The following ZNF362 variants were observed in gnomAD, a reference collection of about 807,000 sequenced individuals.
The protein encoded by ZNF362 is zinc finger protein 362, also known as rotund homolog.
A neutral mutation model predicts 42.9 loss-of-function variants in ZNF362; 11 were observed. That is an observed-to-expected ratio of 0.26 (90% CI 0.16 to 0.42). The LOEUF (loss-of-function observed/expected upper bound fraction) is 0.42, where lower values mean the gene tolerates loss of function less well. Ranked by LOEUF, ZNF362 falls within the 20% of genes least tolerant of loss-of-function variation. The pLI is 1.00. For missense variants in ZNF362, 362 were observed against 576.2 expected (o/e 0.63, Z 3.81); for synonymous variants, 255 against 257.3 (o/e 0.99, Z 0.09).
chr1:33,221,702 T>A, the ZNF362 span, among the ~76,000 whole-genome samples: 1 of 152,176 alleles, frequency 6.6e-6, no homozygotes, highest in Non-Finnish European at 1.5e-5. Flanking sequence ...CCAAAGACAA[T>A]TCATTTTTCA....
chr1:33,241,788 C>T, the ZNF362 span, among the ~76,000 whole-genome samples: 1 of 152,138 alleles, frequency 6.6e-6, no homozygotes, highest in Non-Finnish European at 1.5e-5. Flanking sequence ...GTTGCCAAGG[C>T]TGGTCTCGAA....
the ZNF362 span, among the ~76,000 whole-genome samples, chr1:33,204,207 A>T: frequency 6.6e-6 from 1 of 152,068 alleles, no homozygotes; most frequent in Non-Finnish European, 1.5e-5. Flanking sequence ...CTAGTTTTTC[A>T]GCACCATCTA....
At chr1:33,175,049 A>ATATGTATATGTG in the ZNF362 span, among the ~76,000 whole-genome samples, 1 of 150,820 alleles carries the variant, frequency 6.6e-6, no homozygotes, top group Non-Finnish European at 1.5e-5. Context: ...ATGTATATGT[A>ATATGTATATGTG]TTTTTTTTAA....
At chr1:33,255,427 C>T (rs551016918), upstream of ZNF362, among the ~76,000 whole-genome samples, 38 of 152,184 alleles carry the variant, frequency 2.5e-4, no homozygotes, top group South Asian at 7.5e-3. Flanking sequence ...CCTGGCCCAG[C>T]GGTCGGGGGG....
chr1:33,157,668 T>C, the ZNF362 span, among the ~76,000 whole-genome samples: 20 of 152,194 alleles, frequency 1.3e-4, no homozygotes, highest in Admixed American at 4.6e-4. Flanking sequence ...TGTACCCTGT[T>C]GTATAGAAGG....
chr1:33,234,085 C>A, the ZNF362 span, among the ~76,000 whole-genome samples: 1 of 152,062 alleles, frequency 6.6e-6, no homozygotes. Context: ...AGACATTCAC[C>A]AAGTGTTTGT....
the ZNF362 span, among the ~76,000 whole-genome samples, chr1:33,149,049 C>T: frequency 6.6e-6 from 1 of 152,204 alleles, no homozygotes; most frequent in South Asian, 2.1e-4. Context: ...TTGTTGCAAC[C>T]ACCCCCAGAG....
chr1:33,192,277 A>G, the ZNF362 span, among the ~76,000 whole-genome samples: 2 of 152,152 alleles, frequency 1.3e-5, no homozygotes, highest in Non-Finnish European at 2.9e-5. Flanking sequence ...GACTTCATAA[A>G]TGGTTGTATC....
the ZNF362 span, among the ~76,000 whole-genome samples, chr1:33,238,498 T>C: frequency 1.3e-5 from 2 of 151,784 alleles, no homozygotes; most frequent in African/African-American, 2.4e-5. Context: ...TCACAATAGC[T>C]GAGGAAAGTG....
At chr1:33,298,098 G>A (rs1256509902) in intron 8 of ZNF362, among the ~76,000 whole-genome samples, 4 of 152,308 alleles carry the variant, frequency 2.6e-5, no homozygotes, top group East Asian at 1.9e-4. Context: ...AAAGGCGATT[G>A]GAAGGATGTG....
intron 1 of ZNF362, among the ~76,000 whole-genome samples, chr1:33,263,447 A>G (rs866631852): frequency 6.6e-5 from 10 of 150,736 alleles, no homozygotes; most frequent in South Asian, 2.1e-4. Context: ...GTCTCGCTCT[A>G]TCACCCAGGC....
chr1:33,139,542 A>G, the ZNF362 span, among the ~76,000 whole-genome samples: 1 of 152,216 alleles, frequency 6.6e-6, no homozygotes, highest in Non-Finnish European at 1.5e-5. Flanking sequence ...TTTCAACAGT[A>G]AGGAAAAGGA....
At position 33,276,569 on chromosome 1, in the gene ZNF362, A is replaced by G; in HGVS notation, c.324A>G (p.Ala108=). 1 of 1,383,254 alleles carries G rather than the reference A, an allele frequency of 7.2e-7. No individual in the cohort carries two copies. The highest frequency in any genetic ancestry group is 1.6e-5 in the South Asian group (1 of 61,920). 85.7% of individuals were successfully genotyped at this position (1,383,254 alleles called of 1,614,324 possible). Residue 108 remains alanine (A), a synonymous_variant, in exon 4 of 9, where the codon GCA becomes GCG. Coordinates refer to ENST00000539719, the MANE Select transcript of ZNF362 (RefSeq NM_152493.3). The part of the protein sequence containing the change: ...AVPQPDVALH[A]RPATSTVTGL... Reference sequence around the variant, plus strand: ...CGCAGCCCGACGTGGCGCTGCACGCACGGCCGGCCACCAGCACCGTCACAG... The same window carrying G: ...CGCAGCCCGACGTGGCGCTGCACGCGCGGCCGGCCACCAGCACCGTCACAG...
rs767524684 is a variant in ZNF362 at position 33,280,507 on chromosome 1, G to C, written c.683+50G>C. The C allele has an allele frequency of 4.0e-6, 6 of 1,490,602 alleles. No individual in the cohort carries two copies. The East Asian group carries it at 1.5e-4, about 37-fold the overall frequency. The allele number at this position is 1,490,602 out of a possible 1,614,324, so 92.3% of individuals were successfully genotyped here. The stretch of plus-strand genomic sequence containing the variant: ...CCGAGTGGGCTTGGGGCTGGGGCTT[G>C]AGCCAGGGCTGCTCCAGGAGCCCAG... On this transcript the variant is annotated intron_variant, in intron 5 of 8. Coordinates refer to ENST00000539719, the MANE Select transcript of ZNF362 (RefSeq NM_152493.3). This position sits in a 1 kb window ranked among gnomAD's most constrained non-coding sequence, Gnocchi z 5.6.
intron 6 of ZNF362, among the ~76,000 whole-genome samples, chr1:33,285,744 C>G (rs1646027812): frequency 6.6e-6 from 1 of 152,168 alleles, no homozygotes; most frequent in African/African-American, 2.4e-5. Flanking sequence ...AGCTGTCACT[C>G]TAGTGTTTGG....
At chr1:33,215,006 A>G in the ZNF362 span, among the ~76,000 whole-genome samples, 8 of 152,336 alleles carry the variant, frequency 5.3e-5, no homozygotes, top group Non-Finnish European at 1.2e-4. Context: ...ATACATCCAA[A>G]TAAAGGAAAG....
chr1:33,177,102 T>G, the ZNF362 span, among the ~76,000 whole-genome samples: 1 of 150,404 alleles, frequency 6.6e-6, no homozygotes, highest in Non-Finnish European at 1.5e-5. This position sits in a 1 kb window ranked among gnomAD's most constrained non-coding sequence, Gnocchi z 4.1. Context: ...TGCACACACA[T>G]GCACACACAC....
chr1:33,159,809 T>C, the ZNF362 span: 7 of 1,613,800 alleles, frequency 4.3e-6, no homozygotes, highest in African/African-American at 4.0e-5. The surrounding 1 kb of genome is among the most constrained non-coding windows in gnomAD (Gnocchi z 4.2). Context: ...CGCTGGACTT[T>C]CTGCTCGATG....
chr1:33,238,375 AT>A, the ZNF362 span, among the ~76,000 whole-genome samples: 1 of 112,726 alleles, frequency 8.9e-6, no homozygotes, highest in African/African-American at 3.0e-5. Flanking sequence ...ATAAAATAAA[AT>A]AAAATAAATA....
Sources: allele counts gnomAD v4.1 joint callset (sites outside exome capture counted in the v4.1 genomes callset), GRCh38; gene constraint gnomAD v4.1.1; non-coding constraint Gnocchi (gnomAD v3.1); transcripts MANE v1.5; gene names NCBI Gene and HGNC (gene_info 2026-07-23, HGNC 2026-07-21).